SYT6: variants seen among roughly 807,000 people sequenced by gnomAD.
SYT6 encodes synaptotagmin-6.
A neutral mutation model predicts 38.4 loss-of-function variants in SYT6; 24 were observed. The ratio of observed to expected loss-of-function variants is 0.62; its 90% CI spans 0.45 to 0.88. The LOEUF (loss-of-function observed/expected upper bound fraction) is 0.88, where lower values mean the gene tolerates loss of function less well. Ranked by LOEUF, SYT6 falls within the 40% of genes least tolerant of loss-of-function variation. The probability of loss-of-function intolerance (pLI) is 0.00; values close to 1 mark genes in which losing one functional copy is unlikely to be tolerated. For missense variants in SYT6, 611 were observed against 621.0 expected, an observed-to-expected ratio of 0.98 and a Z score of 0.17; for synonymous variants, 265 against 241.9, an observed-to-expected ratio of 1.10 and a Z score of -0.89.
intron 1 of SYT6, among the ~76,000 whole-genome samples, chr1:114,145,169 C>T (rs1012733518): frequency 6.6e-6 from 1 of 152,130 alleles, no homozygotes; most frequent in African/African-American, 2.4e-5. Flanking sequence ...TATTTATAAT[C>T]TTTAAAAGAA....
intron 3 of SYT6, among the ~76,000 whole-genome samples, chr1:114,116,772 C>T (rs536657701): frequency 6.6e-6 from 1 of 152,222 alleles, no homozygotes; most frequent in Non-Finnish European, 1.5e-5. Context: ...CAGTGTTCCA[C>T]CCCCGCCCGG....
intron 3 of SYT6, among the ~76,000 whole-genome samples, chr1:114,128,403 C>G (rs542934691): frequency 6.0e-4 from 92 of 152,340 alleles, no homozygotes; most frequent in African/African-American, 2.0e-3. Context: ...ACTCTACCTC[C>G]CTGTCCCAGC....
chr1:114,140,030 G>A, intron 1 of SYT6, 67 bp from the exon 2 acceptor site: 1 of 940,268 alleles, frequency 1.1e-6, no homozygotes, highest in Non-Finnish European at 1.6e-6. Context: ...GGGTGAGGGT[G>A]TTGGAGGAGG....
At chr1:114,095,850 C>T (rs1675605152) in intron 6 of SYT6, among the ~76,000 whole-genome samples, 3 of 152,110 alleles carry the variant, frequency 2.0e-5, no homozygotes, top group South Asian at 4.2e-4. Flanking sequence ...TTAGTAGAGA[C>T]GGGGTTTCAC....
At chr1:114,147,382 A>T (rs1679208429) in intron 1 of SYT6, among the ~76,000 whole-genome samples, 1 of 152,246 alleles carries the variant, frequency 6.6e-6, no homozygotes. Context: ...AAATTTGGGG[A>T]AAAGAAGCCT....
chr1:114,092,527 C>G (rs1238650910), intron 7 of SYT6, among the ~76,000 whole-genome samples: 2 of 152,200 alleles, frequency 1.3e-5, no homozygotes, highest in Non-Finnish European at 2.9e-5. Context: ...TGGGAGCTGA[C>G]AGTACAGCTA....
At chr1:114,096,135 C>T (rs547963808) in intron 6 of SYT6, among the ~76,000 whole-genome samples, 16 of 152,286 alleles carry the variant, frequency 1.1e-4, no homozygotes, top group Admixed American at 5.2e-4. Context: ...GTCATGACCT[C>T]TCCCTGGGTT....
intron 1 of SYT6, among the ~76,000 whole-genome samples, chr1:114,144,807 ACT>A (rs1679072727): frequency 6.6e-6 from 1 of 151,956 alleles, no homozygotes; most frequent in Admixed American, 6.6e-5. Flanking sequence ...GATATCAGCC[ACT>A]CTCTCTGGGA....
chr1:114,121,557 G>A (rs1314509496), intron 3 of SYT6, among the ~76,000 whole-genome samples: 6 of 152,160 alleles, frequency 3.9e-5, no homozygotes, highest in Admixed American at 6.5e-5. Context: ...ATAGTGAAAC[G>A]TATTTTTTGT....
chr1:114,127,052 C>T (rs1001417383), intron 3 of SYT6, among the ~76,000 whole-genome samples: 7 of 152,180 alleles, frequency 4.6e-5, no homozygotes, highest in Non-Finnish European at 7.4e-5. Flanking sequence ...ATAAGAACAC[C>T]CAAGGCCAGC....
intron 6 of SYT6, among the ~76,000 whole-genome samples, chr1:114,094,568 A>G (rs1204960196): frequency 2.0e-5 from 3 of 152,196 alleles, no homozygotes; most frequent in Non-Finnish European, 2.9e-5. Flanking sequence ...AAAGAATCCC[A>G]GCAGGGAAAG....
intron 1 of SYT6, among the ~76,000 whole-genome samples, chr1:114,141,085 T>G (rs1344547817): frequency 2.0e-5 from 3 of 152,210 alleles, no homozygotes; most frequent in Middle Eastern, 3.2e-3. Flanking sequence ...GGCCAATTGA[T>G]AACCTTACTT....
rs1483964505 is a variant in SYT6 at position 114,097,717 on chromosome 1, C to A, written c.1515+10G>T. On this transcript the variant is annotated intron_variant, in intron 6 of 7. Coordinates refer to ENST00000610222, the MANE Select transcript of SYT6 (RefSeq NM_001253772.2). ...AGCAAACATGCCAAGGGCCAGGTGA[C>A]CTCACCCACCTCTTTGAAGGATTTC... 3 of 1,613,568 alleles carry A rather than the reference C, an allele frequency of 1.9e-6. No individual in the cohort carries two copies. Among genetic ancestry groups the A allele is most frequent in the Non-Finnish European group, 2.5e-6 (3 of 1,179,608 alleles).
chr1:114,137,330 C>G (rs1678538687), intron 3 of SYT6, among the ~76,000 whole-genome samples, 165 bp downstream of exon 3: 1 of 152,224 alleles, frequency 6.6e-6, no homozygotes, highest in South Asian at 2.1e-4. Flanking sequence ...CAACCTGGGG[C>G]AGAGTGCAAG....
chr1:114,114,555 G>A (rs1261744346), intron 3 of SYT6, among the ~76,000 whole-genome samples: 3 of 152,194 alleles, frequency 2.0e-5, no homozygotes, highest in East Asian at 1.9e-4. Flanking sequence ...GTTCCTCAGC[G>A]GGTGGGCTGA....
intron 7 of SYT6, 74 bp from the exon 8 acceptor site, chr1:114,092,156 C>T: frequency 7.3e-7 from 1 of 1,377,968 alleles, no homozygotes; most frequent in Non-Finnish European, 9.9e-7. Flanking sequence ...CTGAACTGGC[C>T]CAATGCACTG....
intron 5 of SYT6, among the ~76,000 whole-genome samples, chr1:114,098,562 G>A (rs999033303): frequency 1.3e-5 from 2 of 152,204 alleles, no homozygotes; most frequent in Admixed American, 6.5e-5. Context: ...ATTAGGGAAG[G>A]CCATCAGAGT....
intron 5 of SYT6, 65 bp from the exon 6 acceptor site, chr1:114,097,942 G>GT: frequency 1.3e-6 from 2 of 1,584,842 alleles, no homozygotes; most frequent in Non-Finnish European, 1.7e-6. Flanking sequence ...GAGGTCCAGT[G>GT]TGGGGGGTGG....
At chr1:114,152,833 C>A (rs1484774447) in intron 1 of SYT6, 1 of 152,218 alleles carries the variant, frequency 6.6e-6, no homozygotes, top group African/African-American at 2.4e-5. Flanking sequence ...GGCTGCGTCC[C>A]GCGCAGGGTC....
Sources: gnomAD v4.1 joint callset for allele counts (sites outside exome capture counted in the v4.1 genomes callset) on GRCh38, gnomAD v4.1.1 for gene constraint, MANE v1.5 for transcripts, NCBI Gene and HGNC (gene_info 2026-07-23, HGNC 2026-07-21) for gene names.